The following TSPAN9 variants were observed in gnomAD, a reference collection of about 807,000 sequenced individuals.
The protein encoded by TSPAN9 is tetraspanin 9.
TSPAN9 carries 16 observed loss-of-function variants against 31.0 expected under a neutral mutation model. The ratio of observed to expected loss-of-function variants is 0.52; its 90% CI spans 0.35 to 0.78. TSPAN9 has a LOEUF of 0.78. Ranked by LOEUF, TSPAN9 falls within the 30% of genes least tolerant of loss-of-function variation. TSPAN9 has a pLI of 0.01. For missense variants in TSPAN9, 272 were observed against 312.5 expected, an observed-to-expected ratio of 0.87 and a Z score of 0.98; for synonymous variants, 145 against 121.6, an observed-to-expected ratio of 1.19 and a Z score of -1.27.
chr12:3,185,666 A>T (rs1167773918), intron 2 of TSPAN9, among the ~76,000 whole-genome samples: 1 of 152,242 alleles, frequency 6.6e-6, no homozygotes, highest in African/African-American at 2.4e-5. Flanking sequence ...CAGAGCTTAA[A>T]ATAGCAGCGT....
chr12:3,167,714 C>G (rs890245026), intron 2 of TSPAN9, among the ~76,000 whole-genome samples: 1 of 152,156 alleles, frequency 6.6e-6, no homozygotes, highest in African/African-American at 2.4e-5. Flanking sequence ...CATGGTCTCC[C>G]GCTTGGGATC....
At chr12:3,220,851 G>A (rs1289885281) in intron 3 of TSPAN9, among the ~76,000 whole-genome samples, 1 of 152,176 alleles carries the variant, frequency 6.6e-6, no homozygotes, top group Non-Finnish European at 1.5e-5. Context: ...AGAGGACAGG[G>A]CCCTTCCTAT....
chr12:3,255,363 C>T (rs904929365), intron 3 of TSPAN9, among the ~76,000 whole-genome samples: 1 of 152,224 alleles, frequency 6.6e-6, no homozygotes, highest in African/African-American at 2.4e-5. Context: ...TCCCCAGCAG[C>T]TGACTGGCTC....
At chr12:3,116,448 G>A (rs2098322474) in intron 2 of TSPAN9, among the ~76,000 whole-genome samples, 1 of 152,222 alleles carries the variant, frequency 6.6e-6, no homozygotes, top group Non-Finnish European at 1.5e-5. Context: ...TGCTTGTGAA[G>A]TGCTGGGGAT....
At chr12:3,282,537 G>A (rs569371552) in intron 8 of TSPAN9, among the ~76,000 whole-genome samples, 3 of 152,296 alleles carry the variant, frequency 2.0e-5, no homozygotes, top group South Asian at 2.1e-4. Flanking sequence ...GGGACTACAG[G>A]CATATACACC....
chr12:3,275,413 G>A (rs1862763668), intron 3 of TSPAN9, among the ~76,000 whole-genome samples: 1 of 152,180 alleles, frequency 6.6e-6, no homozygotes. Context: ...TGCGGCAGTG[G>A]GGTTTCCGCT....
intron 3 of TSPAN9, among the ~76,000 whole-genome samples, chr12:3,242,361 G>T (rs2098397013): frequency 6.6e-6 from 1 of 152,212 alleles, no homozygotes; most frequent in South Asian, 2.1e-4. Flanking sequence ...TCTGCCCGAT[G>T]CCTGGAGCCC....
At position 3,109,138 on chromosome 12, in the gene TSPAN9, G is replaced by A. The variant is rs182622343; in HGVS notation, c.-18+25419G>A. On this transcript the variant is annotated intron_variant, in intron 2 of 8. Coordinates refer to ENST00000011898, the MANE Select transcript of TSPAN9 (RefSeq NM_006675.5). ...TTTTAGTAGAGACGGGGGTTTCACC[G>A]TGTTAGCCAGGATGGTCTCGATCTC... Among the ~76,000 whole-genome samples the A allele has an allele frequency of 1.7e-3, 262 of 151,916 alleles. 1 individual carries two copies. Among genetic ancestry groups the A allele is most frequent in the African/African-American group, 5.8e-3 (242 of 41,438 alleles).
intron 7 of TSPAN9, 80 bp downstream of exon 7, chr12:3,281,409 G>A: frequency 6.8e-7 from 1 of 1,469,068 alleles, no homozygotes; most frequent in South Asian, 1.4e-5. Context: ...AGGGGAGGCT[G>A]GGCCCGGGAC....
At chr12:3,263,939 G>A (rs1258568109) in intron 3 of TSPAN9, among the ~76,000 whole-genome samples, 1 of 152,136 alleles carries the variant, frequency 6.6e-6, no homozygotes, top group African/African-American at 2.4e-5. Flanking sequence ...TGGAGGTGGA[G>A]GTGTGGAAGG....
chr12:3,158,003 A>G (rs2098343130), intron 2 of TSPAN9, among the ~76,000 whole-genome samples: 2 of 151,568 alleles, frequency 1.3e-5, no homozygotes, highest in South Asian at 4.2e-4. Context: ...TTTATCTACT[A>G]AAAAAAAAGA....
chr12:3,177,226 C>G (rs2098356242), intron 2 of TSPAN9, among the ~76,000 whole-genome samples: 1 of 152,128 alleles, frequency 6.6e-6, no homozygotes, highest in Admixed American at 6.5e-5. Flanking sequence ...CCAGCTCCAC[C>G]TCCTGGGTTC....
At chr12:3,256,831 G>A (rs575783563) in intron 3 of TSPAN9, among the ~76,000 whole-genome samples, 9 of 152,250 alleles carry the variant, frequency 5.9e-5, no homozygotes, top group Non-Finnish European at 8.8e-5. Flanking sequence ...TGAAATACAC[G>A]GCGACTCTCC....
intron 2 of TSPAN9, among the ~76,000 whole-genome samples, chr12:3,139,474 C>T (rs2098333725): frequency 6.6e-6 from 1 of 152,244 alleles, no homozygotes; most frequent in Non-Finnish European, 1.5e-5. Context: ...TCGCTTCAGG[C>T]TGCGCTGCCC....
At chr12:3,118,006 A>G (rs1041352053) in intron 2 of TSPAN9, among the ~76,000 whole-genome samples, 1 of 152,014 alleles carries the variant, frequency 6.6e-6, no homozygotes, top group African/African-American at 2.4e-5. Flanking sequence ...TTAGTGCCCC[A>G]TGCCAGGTTC....
At chr12:3,127,845 C>T (rs1342760803) in intron 2 of TSPAN9, among the ~76,000 whole-genome samples, 6 of 152,110 alleles carry the variant, frequency 3.9e-5, no homozygotes, top group Non-Finnish European at 7.4e-5. Flanking sequence ...AGGTTAGACT[C>T]GAACTCCTGG....
At chr12:3,252,816 C>A (rs1460929024) in intron 3 of TSPAN9, among the ~76,000 whole-genome samples, 2 of 152,154 alleles carry the variant, frequency 1.3e-5, no homozygotes, top group African/African-American at 4.8e-5. Context: ...GCTGAGTGAG[C>A]GGGCTGCTGG....
intron 2 of TSPAN9, among the ~76,000 whole-genome samples, chr12:3,161,496 T>C (rs2098345198): frequency 6.6e-6 from 1 of 152,190 alleles, no homozygotes; most frequent in African/African-American, 2.4e-5. Context: ...TTGACATAAA[T>C]AGGATCTTAA....
At chr12:3,104,023 T>C (rs1037013962) in intron 2 of TSPAN9, among the ~76,000 whole-genome samples, 4 of 152,070 alleles carry the variant, frequency 2.6e-5, no homozygotes, top group African/African-American at 9.7e-5. Context: ...AGCTGGCATT[T>C]CAGGAGAGAC....
Sources: gnomAD v4.1 joint callset for allele counts (sites outside exome capture counted in the v4.1 genomes callset) on GRCh38, gnomAD v4.1.1 for gene constraint, MANE v1.5 for transcripts, NCBI Gene and HGNC (gene_info 2026-07-23, HGNC 2026-07-21) for gene names.